Variants in KPNA3 observed in about 807,000 individuals in gnomAD.
KPNA3 encodes karyopherin subunit alpha 3, also known as importin subunit alpha-4.
Under a neutral mutation model 73.8 loss-of-function variants are expected in KPNA3, and 13 were observed. That is an observed-to-expected ratio of 0.18 (90% CI 0.11 to 0.28). The LOEUF is 0.28. Among genes scored for constraint, KPNA3 ranks in the 10% least tolerant of loss-of-function variants. The pLI is 1.00. For synonymous variants in KPNA3, 186 were observed against 206.9 expected (o/e 0.90, Z 0.87); for missense variants, 360 against 618.1 (o/e 0.58, Z 4.43).
intron 2 of KPNA3, among the ~76,000 whole-genome samples, chr13:49,744,579 A>G (rs1954600645): frequency 6.6e-6 from 1 of 152,212 alleles, no homozygotes; most frequent in African/African-American, 2.4e-5. Flanking sequence ...CTAATTACAT[A>G]GAAAATATTC....
intron 6 of KPNA3, among the ~76,000 whole-genome samples, chr13:49,730,587 G>A (rs1284283500): frequency 7.3e-6 from 1 of 136,876 alleles, no homozygotes; most frequent in Non-Finnish European, 1.6e-5. Context: ...GGTAGAAGTA[G>A]AATAGAACTT....
rs776297939 is a variant in KPNA3 at position 49,792,488 on chromosome 13, A to C, written c.19T>G (p.Leu7Val). ...AAGCTCTTGATGCGGTGGTTCTCCA[A>C]GCTGGGGTTCTCGGCCATGGCTGCG... Reference protein sequence around the residue: MAENPSLENHRIKSFKN... With the variant: MAENPSVENHRIKSFKN... Residue 7 changes from leucine (L) to valine (V), a missense_variant, in exon 1 of 17, where the codon TTG becomes GTG. Transcript: ENST00000261667. 1 of 1,577,022 alleles carries C rather than the reference A, an allele frequency of 6.3e-7. No individual in the cohort carries two copies.
chr13:49,717,856 T>C (rs1269044473), intron 10 of KPNA3, among the ~76,000 whole-genome samples: 1 of 152,266 alleles, frequency 6.6e-6, no homozygotes, highest in African/African-American at 2.4e-5. Flanking sequence ...CAAATGTTAC[T>C]TTGTCAACGA....
chr13:49,732,485 G>T lies in KPNA3; in HGVS notation c.288-19C>A. 1.3e-6 allele frequency: 2 copies of T among 1,505,606 alleles called. No homozygotes were observed. Among genetic ancestry groups the T allele is most frequent in the Non-Finnish European group, 1.8e-6 (2 of 1,094,594 alleles). The allele number at this position is 1,505,606 out of a possible 1,614,324, so 93.3% of individuals were successfully genotyped here. A position where few individuals can be genotyped will look rare whatever the true frequency, so the allele number is the denominator to read the frequency against. On this transcript the variant is annotated intron_variant, in intron 5 of 16. Coordinates refer to ENST00000261667, the MANE Select transcript of KPNA3 (RefSeq NM_002267.4). The stretch of plus-strand genomic sequence containing the variant: ...CAGTTTTCTAGGAAAATAAATATGA[G>T]AAATTAATTGCTATAATTTTCAAAC...
In KPNA3 at chr13:49,709,590, T is replaced by C. The variant is rs753204332; in HGVS notation, c.1014A>G (p.Pro338=). ...LSHFPNLLSH[P]KEKINKEAVW... The stretch of plus-strand genomic sequence containing the variant: ...GCCTTACCTTATTTATCTTCTCTTT[T>C]GGGTGTGATAAGAGATTTGGGAAGT... Residue 338 remains proline (P), a synonymous_variant, in exon 12 of 17, where the codon CCA becomes CCG. Coordinates refer to ENST00000261667, the MANE Select transcript of KPNA3 (RefSeq NM_002267.4). 3.7e-5 allele frequency: 59 copies of C among 1,613,260 alleles called. No individual in the cohort carries two copies. The highest frequency in any genetic ancestry group is 4.9e-5 in the Non-Finnish European group (58 of 1,179,520).
rs926840044 is a variant in KPNA3, at chr13:49,705,909, G to A, written c.1210-126C>T. On this transcript the variant is annotated intron_variant, in intron 14 of 16. Coordinates refer to ENST00000261667, the MANE Select transcript of KPNA3 (RefSeq NM_002267.4). ...GCCCAGGAGTTGGAGGCTGTAGTGC[G>A]TTATGGTCATGCCTGTGAATAGCAA... The A allele has an allele frequency of 3.6e-5, 36 of 1,012,220 alleles. No homozygotes were observed. In the East Asian group the frequency reaches 5.8e-4, roughly 16 times the overall value. 62.7% of individuals were successfully genotyped at this position (1,012,220 alleles called of 1,614,324 possible). A position where few individuals can be genotyped will look rare whatever the true frequency, so the allele number is the denominator to read the frequency against.
At chr13:49,763,552 C>T (rs1954785659) in intron 1 of KPNA3, among the ~76,000 whole-genome samples, 1 of 152,126 alleles carries the variant, frequency 6.6e-6, no homozygotes. Context: ...CCAACAAACT[C>T]CAAGTGGGAA....
intron 7 of KPNA3, among the ~76,000 whole-genome samples, chr13:49,723,023 C>A (rs1267300236): frequency 6.6e-6 from 1 of 151,782 alleles, no homozygotes; most frequent in Non-Finnish European, 1.5e-5. Flanking sequence ...TACATTATAC[C>A]CATTTCCAGC....
intron 2 of KPNA3, among the ~76,000 whole-genome samples, chr13:49,737,561 CTGTGTG>C (rs3990330): frequency 0.056 from 7,945 of 142,828 alleles, 365 homozygotes; most frequent in African/African-American, 0.14. Context: ...GTGTGTGTGT[CTGTGTG>C]TGTGTGTGTG....
At chr13:49,781,918 A>G (rs1292982067) in intron 1 of KPNA3, among the ~76,000 whole-genome samples, 1 of 152,218 alleles carries the variant, frequency 6.6e-6, no homozygotes, top group Non-Finnish European at 1.5e-5. Context: ...AATTCACAAA[A>G]CCAAGACAAA....
At chr13:49,754,169 ACCT>A (rs1566351648) in intron 1 of KPNA3, among the ~76,000 whole-genome samples, 3 of 151,998 alleles carry the variant, frequency 2.0e-5, no homozygotes, top group Non-Finnish European at 4.4e-5. Flanking sequence ...TGGTGGTTGC[ACCT>A]GTAATCCAAT....
At chr13:49,728,650 A>G (rs1168244495) in intron 6 of KPNA3, among the ~76,000 whole-genome samples, 1 of 152,194 alleles carries the variant, frequency 6.6e-6, no homozygotes, top group African/African-American at 2.4e-5. Context: ...GAGGAAAGGT[A>G]ATGACTAAAA....
chr13:49,752,602 T>C (rs756274043), intron 1 of KPNA3, among the ~76,000 whole-genome samples: 2 of 151,884 alleles, frequency 1.3e-5, no homozygotes, highest in Non-Finnish European at 2.9e-5. Context: ...AAAAAAGAAT[T>C]AGAAATAAAG....
chr13:49,788,996 T>C (rs1409700214), intron 1 of KPNA3, among the ~76,000 whole-genome samples: 1 of 152,146 alleles, frequency 6.6e-6, no homozygotes, highest in Non-Finnish European at 1.5e-5. Flanking sequence ...TCATTCCAGG[T>C]TGTAGCCATT....
intron 1 of KPNA3, among the ~76,000 whole-genome samples, chr13:49,755,419 C>G (rs963321686): frequency 5.9e-5 from 9 of 152,158 alleles, no homozygotes; most frequent in Non-Finnish European, 1.2e-4. Flanking sequence ...ACTCTCACCA[C>G]TATTATTCAA....
chr13:49,752,775 T>C (rs911126692), intron 1 of KPNA3, among the ~76,000 whole-genome samples: 7 of 152,020 alleles, frequency 4.6e-5, no homozygotes, highest in Admixed American at 2.0e-4. Flanking sequence ...ACGTCTGTAA[T>C]CCCAGCACTT....
chr13:49,738,461 T>G (rs1954544449), intron 2 of KPNA3, among the ~76,000 whole-genome samples: 1 of 152,346 alleles, frequency 6.6e-6, no homozygotes, highest in South Asian at 2.1e-4. Flanking sequence ...ATGTCATTAT[T>G]ACGTTGAGGC....
chr13:49,734,780 T>C (rs1954504139), intron 2 of KPNA3, among the ~76,000 whole-genome samples: 1 of 152,146 alleles, frequency 6.6e-6, no homozygotes, highest in Non-Finnish European at 1.5e-5. Context: ...TAGTTAAAAT[T>C]TGTGAATTAA....
intron 1 of KPNA3, among the ~76,000 whole-genome samples, chr13:49,787,276 G>A (rs1052021161): frequency 2.0e-5 from 3 of 152,118 alleles, no homozygotes; most frequent in African/African-American, 7.2e-5. Context: ...TGATAAGAAG[G>A]AAACTTTGCA....
Sources: allele counts gnomAD v4.1 joint callset (sites outside exome capture counted in the v4.1 genomes callset), GRCh38; gene constraint gnomAD v4.1.1; transcripts MANE v1.5; gene names NCBI Gene and HGNC (gene_info 2026-07-23, HGNC 2026-07-21).